Variants in HSPA12A observed in about 807,000 individuals in gnomAD.
HSPA12A encodes the protein heat shock 70 kDa protein 12A.
HSPA12A carries 28 observed loss-of-function variants against 69.2 expected under a neutral mutation model. The ratio of observed to expected loss-of-function variants is 0.40; its 90% CI spans 0.30 to 0.55. The LOEUF is 0.55. HSPA12A is among the 20% of genes least tolerant of loss of function. The pLI is 0.38. For synonymous variants in HSPA12A, 345 were observed against 370.5 expected, an observed-to-expected ratio of 0.93 and a Z score of 0.79; for missense variants, 686 against 900.7, an observed-to-expected ratio of 0.76 and a Z score of 3.05.
At position 116,674,940 on chromosome 10, in the gene HSPA12A, C is replaced by T. The variant is rs1849183067; in HGVS notation, c.1869G>A (p.Thr623=). 11 of 1,614,074 alleles carry T rather than the reference C, an allele frequency of 6.8e-6. No homozygotes were observed. Among genetic ancestry groups the T allele is most frequent in the East Asian group, 2.2e-5 (1 of 44,856 alleles). ...TGGTCCCTGTGAGATCCAGGCGGAGCGTGCCACACTTCTTCACCCCGGGAT... is the reference window on the plus strand; with the variant it reads ...TGGTCCCTGTGAGATCCAGGCGGAGTGTGCCACACTTCTTCACCCCGGGAT... ...ITDPGVKKCG[T]LRLDLTGTSG... Residue 623 remains threonine, a synonymous_variant, in exon 12 of 12, where the codon ACG becomes ACA. Coordinates refer to ENST00000369209, the MANE Select transcript of HSPA12A (RefSeq NM_025015.3).
At chr10:116,758,937 C>T (rs1843912268) in intron 2 of HSPA12A, among the ~76,000 whole-genome samples, 1 of 152,134 alleles carries the variant, frequency 6.6e-6, no homozygotes, top group Admixed American at 6.5e-5. Flanking sequence ...CCTGGAAGTT[C>T]AAGGTCAGAA....
intron 1 of HSPA12A, among the ~76,000 whole-genome samples, chr10:116,728,611 C>A (rs1237254311): frequency 1.3e-5 from 2 of 152,184 alleles, no homozygotes; most frequent in African/African-American, 4.8e-5. Context: ...TTATCGCATT[C>A]TTTCCAACTG....
intron 1 of HSPA12A, among the ~76,000 whole-genome samples, chr10:116,714,060 T>C (rs1288020708): frequency 7.2e-6 from 1 of 139,298 alleles, no homozygotes; most frequent in African/African-American, 3.0e-5. Context: ...GGTGGATGGA[T>C]GGATAGGTGG....
intron 6 of HSPA12A, among the ~76,000 whole-genome samples, chr10:116,689,190 G>T (rs1347820482): frequency 1.3e-5 from 2 of 151,994 alleles, no homozygotes; most frequent in Admixed American, 1.3e-4. Flanking sequence ...CTGCTTCCAG[G>T]CTGCTTTCTC....
At chr10:116,849,212 C>T (rs1372483244) in intron 1 of HSPA12A, among the ~76,000 whole-genome samples, 1 of 152,224 alleles carries the variant, frequency 6.6e-6, no homozygotes, top group Admixed American at 6.5e-5. Flanking sequence ...AGCCGGAATT[C>T]GGAGCTAAGG....
chr10:116,767,012 C>T (rs9421240), intron 2 of HSPA12A, among the ~76,000 whole-genome samples: 10,070 of 152,150 alleles, frequency 0.066, 891 homozygotes, highest in African/African-American at 0.2. Context: ...GAGGAGGGAA[C>T]GCCTGCTGGG....
In HSPA12A at chr10:116,674,147, C is replaced by G. The variant is rs1383473759; in HGVS notation, c.*634G>C. On this transcript the variant is annotated 3_prime_UTR_variant, in exon 12 of 12. Coordinates refer to ENST00000369209, the MANE Select transcript of HSPA12A (RefSeq NM_025015.3). ...CTCACAAAAGCCCTAGTGGATTACC[C>G]AAGGCTACGGTTATTCTTCCCTGAA... The G allele has an allele frequency of 8.5e-5, 13 of 153,108 alleles. No individual in the cohort carries two copies. The highest frequency in any genetic ancestry group is 2.4e-4 in the African/African-American group (10 of 41,422). The allele number at this position is 153,108 out of a possible 1,614,324, so 9.5% of individuals were successfully genotyped here.
intron 2 of HSPA12A, among the ~76,000 whole-genome samples, chr10:116,756,220 C>G (rs911782393): frequency 6.6e-6 from 1 of 152,194 alleles, no homozygotes; most frequent in Non-Finnish European, 1.5e-5. Flanking sequence ...ACTGATGCCT[C>G]TCACTTCCAG....
intron 1 of HSPA12A, among the ~76,000 whole-genome samples, chr10:116,735,035 G>A (rs1851275200): frequency 6.6e-6 from 1 of 152,152 alleles, no homozygotes. Context: ...CTGTCAAAGT[G>A]CAAACATACT....
upstream of HSPA12A, chr10:116,849,756 C>A (rs764036536): frequency 1.5e-5 from 22 of 1,483,374 alleles, no homozygotes; most frequent in African/African-American, 2.7e-4. Context: ...CAAGCGCTCT[C>A]CTCCCGCCAA....
chr10:116,734,986 C>T (rs1370927873), intron 1 of HSPA12A, among the ~76,000 whole-genome samples: 1 of 151,934 alleles, frequency 6.6e-6, no homozygotes, highest in Non-Finnish European at 1.5e-5. Context: ...AGCGAGACTC[C>T]GTCTCGAAAA....
intron 1 of HSPA12A, among the ~76,000 whole-genome samples, chr10:116,733,101 C>T (rs7093835): frequency 0.25 from 38,191 of 152,066 alleles, 5,066 homozygotes; most frequent in East Asian, 0.28. Flanking sequence ...CAAATCGGTC[C>T]AGCAGCCATG....
At chr10:116,768,740 A>G (rs1276349157) in intron 2 of HSPA12A, among the ~76,000 whole-genome samples, 1 of 152,068 alleles carries the variant, frequency 6.6e-6, no homozygotes, top group Non-Finnish European at 1.5e-5. Context: ...GCTGGCCTCA[A>G]GTCATCCTCC....
intron 2 of HSPA12A, among the ~76,000 whole-genome samples, chr10:116,752,695 G>C (rs1851800084): frequency 6.6e-6 from 1 of 152,228 alleles, no homozygotes; most frequent in African/African-American, 2.4e-5. Context: ...TAGGGAGTTA[G>C]ATTATACTTG....
At chr10:116,697,834 T>G (rs1849958292) in intron 5 of HSPA12A, among the ~76,000 whole-genome samples, 1 of 147,352 alleles carries the variant, frequency 6.8e-6, no homozygotes, top group Non-Finnish European at 1.5e-5. Context: ...TCGCTCCTAT[T>G]CCCACTCCCT....
At chr10:116,777,078 T>C (rs570358837) in intron 2 of HSPA12A, among the ~76,000 whole-genome samples, 1 of 152,220 alleles carries the variant, frequency 6.6e-6, no homozygotes, top group Non-Finnish European at 1.5e-5. Flanking sequence ...AATTGTTCTC[T>C]GACATGAGTA....
intron 1 of HSPA12A, among the ~76,000 whole-genome samples, chr10:116,726,825 C>T (rs1850979389): frequency 6.6e-6 from 1 of 152,198 alleles, no homozygotes; most frequent in Non-Finnish European, 1.5e-5. Context: ...TGAGAGCTCC[C>T]ACACCTCCAC....
In HSPA12A at chr10:116,695,839, AAG is replaced by A. The variant is rs201307739; in HGVS notation, c.546+2794_546+2795del. Among the ~76,000 whole-genome samples, 82 of 105,854 alleles carry A rather than the reference AAG, an allele frequency of 7.7e-4. No homozygotes were observed. In the East Asian group the frequency reaches 9.1e-3, roughly 12 times the overall value. 69.4% of individuals were successfully genotyped at this position (105,854 alleles called of 152,430 possible). ...CGTCTCAAAACAAAAACAAAGAAAAAAGAAAAAACAAAAATTAGCTGGGCATG... is the reference window on the plus strand; with the variant it reads ...CGTCTCAAAACAAAAACAAAGAAAAAAAAAAACAAAAATTAGCTGGGCATG... On this transcript the variant is annotated intron_variant, in intron 5 of 11. Coordinates refer to ENST00000369209, the MANE Select transcript of HSPA12A (RefSeq NM_025015.3).
chr10:116,767,231 G>A (rs1444965665), intron 2 of HSPA12A, among the ~76,000 whole-genome samples: 1 of 152,192 alleles, frequency 6.6e-6, no homozygotes, highest in African/African-American at 2.4e-5. Context: ...GAGGCAACCA[G>A]AGGACAAGAG....
Sources: allele counts gnomAD v4.1 joint callset (sites outside exome capture counted in the v4.1 genomes callset), GRCh38; gene constraint gnomAD v4.1.1; transcripts MANE v1.5; gene names NCBI Gene and HGNC (gene_info 2026-07-23, HGNC 2026-07-21).